NPIPA8: variants seen among roughly 807,000 people sequenced by gnomAD.
The protein encoded by NPIPA8 is nuclear pore complex-interacting protein family member A8.
A neutral mutation model predicts 7.1 loss-of-function variants in NPIPA8; 1 was observed. The observed-to-expected ratio is 0.14, with a 90% CI of 0.05 to 0.66. The LOEUF (loss-of-function observed/expected upper bound fraction) is 0.66, where lower values mean the gene tolerates loss of function less well. Ranked by LOEUF, NPIPA8 falls within the 30% of genes least tolerant of loss-of-function variation. The pLI, the probability that NPIPA8 is intolerant of heterozygous loss-of-function variation, is 0.84.
At chr16:18,335,935 C>T (rs867661518), upstream of NPIPA8, among the ~76,000 whole-genome samples, 1,188 of 147,712 alleles carry the variant, frequency 8.0e-3, no homozygotes, top group Non-Finnish European at 0.012. Flanking sequence ...ATTCTCCTGC[C>T]TCAGCCTCTC....
chr16:18,323,847 A>AAAAAAAAAAAG lies in NPIPA8; in HGVS notation c.437+243_437+244insCTTTTTTTTTT, dbSNP rs750129798. Among the ~76,000 whole-genome samples, 878 of 91,440 alleles carry AAAAAAAAAAAG rather than the reference A, an allele frequency of 9.6e-3. 127 individuals carry two copies. Among genetic ancestry groups the AAAAAAAAAAAG allele is most frequent in the African/African-American group, 0.012 (330 of 26,488 alleles). 60.0% of individuals were successfully genotyped at this position (91,440 alleles called of 152,430 possible). A position where few individuals can be genotyped will look rare whatever the true frequency, so the allele number is the denominator to read the frequency against. On this transcript the variant is annotated intron_variant, in intron 4 of 7. Coordinates refer to ENST00000541810, the Ensembl canonical transcript of NPIPA8. ...AAAAAAAAAAAAAAAAAAAAAAAAA[A>AAAAAAAAAAAG]AGAGAAAGGAAAACCAATGCCAGTA... is the stretch of plus-strand genomic sequence containing the variant.
At chr16:18,323,518 T>TA (rs1172308198) in intron 4 of NPIPA8, among the ~76,000 whole-genome samples, 420 of 19,854 alleles carry the variant, frequency 0.021, 2 homozygotes, top group South Asian at 0.078. Context: ...ATCTCAAAAT[T>TA]AAAAAAAAAA....
chr16:18,336,139 T>C (rs1400543196), upstream of NPIPA8, among the ~76,000 whole-genome samples: 13 of 121,654 alleles, frequency 1.1e-4, no homozygotes, highest in South Asian at 3.0e-3. Context: ...ATGTTTTATA[T>C]AGATGGGGTC....
At chr16:18,335,192 G>A (rs369895374), upstream of NPIPA8, among the ~76,000 whole-genome samples, 462 of 13,724 alleles carry the variant, frequency 0.034, 2 homozygotes, top group South Asian at 0.04. Context: ...ACAGAGTTTT[G>A]AATTTCATTT....
chr16:18,335,528 G>A (rs1462390890), upstream of NPIPA8, among the ~76,000 whole-genome samples: 1 of 113,640 alleles, frequency 8.8e-6, no homozygotes, highest in Non-Finnish European at 1.8e-5. Flanking sequence ...ACTTTAATAC[G>A]AGCAGCCACA....
At chr16:18,323,540 G>A (rs1419892276) in intron 4 of NPIPA8, among the ~76,000 whole-genome samples, 1 of 49,818 alleles carries the variant, frequency 2.0e-5, no homozygotes, top group Non-Finnish European at 4.4e-5. Context: ...AAAAAAGGCT[G>A]GGTGCTGGGT....
chr16:18,323,819 GAAAAAAAAAAAAAA>G (rs1162097124), intron 4 of NPIPA8, among the ~76,000 whole-genome samples: 179 of 33,104 alleles, frequency 5.4e-3, no homozygotes, highest in African/African-American at 0.013. Context: ...CCCATCTCAG[GAAAAAAAAAAAAAA>G]AAAAAAAAAA....
intron 4 of NPIPA8, among the ~76,000 whole-genome samples, chr16:18,323,865 T>C (rs1900058390): frequency 1.0e-5 from 1 of 99,984 alleles, no homozygotes; most frequent in African/African-American, 3.2e-5. Flanking sequence ...GGAAAACCAA[T>C]GCCAGTACTA....
intron 4 of NPIPA8, among the ~76,000 whole-genome samples, chr16:18,323,869 A>G (rs1479234447): frequency 7.4e-6 from 1 of 134,710 alleles, no homozygotes; most frequent in African/African-American, 2.5e-5. Context: ...AACCAATGCC[A>G]GTACTAGCAA....
Position 18,324,852 on chromosome 16 carries a change from G to T in NPIPA8, c.193-354C>A, listed in dbSNP as rs1272898982. On this transcript the variant is annotated intron_variant, in intron 2 of 7. Transcript: ENST00000541810. Reference sequence around the variant, plus strand: ...CACACACACACACAAAGAATGACATGAGGCTGGCAGGGTGGCTCACTCCTG... The same window carrying T: ...CACACACACACACAAAGAATGACATTAGGCTGGCAGGGTGGCTCACTCCTG... Among the ~76,000 whole-genome samples the T allele has an allele frequency of 2.3e-5, 2 of 85,842 alleles. 1 individual carries two copies. Among genetic ancestry groups the T allele is most frequent in the African/African-American group, 1.1e-4 (2 of 18,238 alleles). The allele number at this position is 85,842 out of a possible 152,430, so 56.3% of individuals were successfully genotyped here.
At chr16:18,336,220 G>A (rs1288602824), upstream of NPIPA8, among the ~76,000 whole-genome samples, 2 of 124,440 alleles carry the variant, frequency 1.6e-5, no homozygotes, top group East Asian at 5.5e-4. Flanking sequence ...CTGAAGTGTT[G>A]GGATTACAGG....
At chr16:18,321,187 C>G in intron 4 of NPIPA8, 63 bp from the exon 7 acceptor site, 1 of 1,395,280 alleles carries the variant, frequency 7.2e-7, no homozygotes, top group South Asian at 1.3e-5. Context: ...CTCTGCCCTT[C>G]TGGCATCTGA....
upstream of NPIPA8, among the ~76,000 whole-genome samples, chr16:18,335,870 G>A (rs1332289049): frequency 7.5e-5 from 10 of 133,398 alleles, no homozygotes; most frequent in East Asian, 9.4e-4. Context: ...GCCCAGGATG[G>A]AGTGCAGTGG....
chr16:18,335,801 A>G (rs868674119), upstream of NPIPA8, among the ~76,000 whole-genome samples: 1,352 of 130,624 alleles, frequency 0.01, 1 homozygote, highest in African/African-American at 0.021. Flanking sequence ...CTCTGAGCCC[A>G]AGCTTTTCTT....
intron 4 of NPIPA8, among the ~76,000 whole-genome samples, chr16:18,323,862 C>CAAAAAAAAAAAAAA (rs1900058238): frequency 8.6e-6 from 1 of 116,086 alleles, no homozygotes; most frequent in Non-Finnish European, 1.9e-5. Context: ...AAAGGAAAAC[C>CAAAAAAAAAAAAAA]AATGCCAGTA....
At chr16:18,323,819 GAAAAAAAAAAAAAAAA>G (rs1162097124) in intron 4 of NPIPA8, among the ~76,000 whole-genome samples, 202 of 33,102 alleles carry the variant, frequency 6.1e-3, no homozygotes, top group South Asian at 0.023. Context: ...CCCATCTCAG[GAAAAAAAAAAAAAAAA>G]AAAAAAAAAA....
At chr16:18,335,444 C>CCCGCCT (rs1400667022), upstream of NPIPA8, among the ~76,000 whole-genome samples, 1 of 114,506 alleles carries the variant, frequency 8.7e-6, no homozygotes, top group Non-Finnish European at 1.8e-5. Flanking sequence ...AAGTGATCTG[C>CCCGCCT]CCGCCTCCGC....
chr16:18,335,522 T>A (rs368299761), upstream of NPIPA8, among the ~76,000 whole-genome samples: 753 of 94,470 alleles, frequency 8.0e-3, 1 homozygote, highest in African/African-American at 0.012. Flanking sequence ...TAATTAACTT[T>A]AATACGAGCA....
chr16:18,335,344 C>T (rs1362115647), upstream of NPIPA8, among the ~76,000 whole-genome samples: 2 of 39,952 alleles, frequency 5.0e-5, no homozygotes, highest in East Asian at 1.1e-3. Flanking sequence ...ATTACAGGTG[C>T]CTGCCACGAT....
Sources: allele counts gnomAD v4.1 joint callset (sites outside exome capture counted in the v4.1 genomes callset), GRCh38; gene constraint gnomAD v4.1.1; transcripts MANE v1.5; gene names NCBI Gene and HGNC (gene_info 2026-07-23, HGNC 2026-07-21).